Variants in LPAR1 observed in about 807,000 individuals in gnomAD.
The protein encoded by LPAR1 is lysophosphatidic acid receptor 1.
LPAR1 carries 5 observed loss-of-function variants against 23.8 expected under a neutral mutation model. The observed-to-expected ratio is 0.21, with a 90% CI of 0.11 to 0.44. LPAR1 has a LOEUF of 0.44. Among genes scored for constraint, LPAR1 ranks in the 20% least tolerant of loss-of-function variants. The pLI is 0.99. For synonymous variants in LPAR1, 160 were observed against 164.7 expected (o/e 0.97, Z 0.22); for missense variants, 311 against 482.8 (o/e 0.64, Z 3.33).
intron 5 of LPAR1, among the ~76,000 whole-genome samples, chr9:110,892,404 G>A: frequency 6.6e-6 from 1 of 152,130 alleles, no homozygotes; most frequent in South Asian, 2.1e-4. Flanking sequence ...GGTGGCTCAT[G>A]CCTATAATCC....
At chr9:110,962,840 A>AT (rs1299596700) in intron 4 of LPAR1, among the ~76,000 whole-genome samples, 2 of 152,078 alleles carry the variant, frequency 1.3e-5, no homozygotes, top group South Asian at 2.1e-4. Context: ...GGAAAGGTTG[A>AT]TTTTTTTTAA....
chr9:110,986,800 T>G (rs1030982921), intron 2 of LPAR1, among the ~76,000 whole-genome samples: 1 of 152,096 alleles, frequency 6.6e-6, no homozygotes, highest in Non-Finnish European at 1.5e-5. Flanking sequence ...AACAGAGACA[T>G]CTTCCATTAT....
chr9:110,977,021 GAAACTATAAATAGATCTT>G (rs140966753), intron 2 of LPAR1, among the ~76,000 whole-genome samples: 17,573 of 152,152 alleles, frequency 0.12, 1,329 homozygotes, highest in Admixed American at 0.21. Flanking sequence ...ATCAGCCCTG[GAAACTATAAATAGATCTT>G]AAACGTTCAG....
chr9:110,920,472 CATT>C (rs2093549216), intron 5 of LPAR1, among the ~76,000 whole-genome samples: 1 of 152,112 alleles, frequency 6.6e-6, no homozygotes, highest in African/African-American at 2.4e-5. Flanking sequence ...TAATTAAAAT[CATT>C]ATAATACTTA....
chr9:110,962,396 G>A (rs903217806), intron 4 of LPAR1, among the ~76,000 whole-genome samples: 3 of 152,112 alleles, frequency 2.0e-5, no homozygotes, highest in Admixed American at 6.6e-5. Context: ...AGTAGGCAAA[G>A]CCCTGAGAGC....
intron 5 of LPAR1, among the ~76,000 whole-genome samples, chr9:110,917,678 T>C (rs1003962650): frequency 1.3e-5 from 2 of 152,128 alleles, no homozygotes; most frequent in Non-Finnish European, 2.9e-5. Flanking sequence ...AAATGAGAAA[T>C]GTCTCTTTGG....
intron 2 of LPAR1, among the ~76,000 whole-genome samples, chr9:111,014,060 A>G (rs2097387562): frequency 6.6e-6 from 1 of 152,018 alleles, no homozygotes; most frequent in Admixed American, 6.6e-5. Flanking sequence ...CACCAGCCCT[A>G]TCCAAGGTCA....
At chr9:110,959,942 TA>T (rs555195976) in intron 4 of LPAR1, among the ~76,000 whole-genome samples, 5 of 151,950 alleles carry the variant, frequency 3.3e-5, no homozygotes, top group African/African-American at 9.7e-5. Context: ...AACATAGGAT[TA>T]AAAAAAATTG....
intron 4 of LPAR1, among the ~76,000 whole-genome samples, chr9:110,945,165 T>C (rs943385435): frequency 6.6e-6 from 1 of 152,114 alleles, no homozygotes; most frequent in Admixed American, 6.5e-5. Context: ...TGAAAGCACC[T>C]CCAATGGCAG....
At chr9:110,929,654 A>T (rs2094263276) in intron 5 of LPAR1, among the ~76,000 whole-genome samples, 1 of 151,982 alleles carries the variant, frequency 6.6e-6, no homozygotes, top group South Asian at 2.1e-4. Flanking sequence ...TCCATGTAAT[A>T]TAGAATTGAT....
At chr9:110,998,770 A>G (rs2097071071) in intron 2 of LPAR1, among the ~76,000 whole-genome samples, 1 of 152,230 alleles carries the variant, frequency 6.6e-6, no homozygotes, top group African/African-American at 2.4e-5. Flanking sequence ...AAAGAACTGG[A>G]CAATAGGTCT....
At chr9:110,981,371 C>G (rs906005937) in intron 2 of LPAR1, among the ~76,000 whole-genome samples, 1 of 151,920 alleles carries the variant, frequency 6.6e-6, no homozygotes, top group Admixed American at 6.6e-5. Flanking sequence ...TCAGATTTCT[C>G]CTCTGTAAAA....
intron 2 of LPAR1, among the ~76,000 whole-genome samples, chr9:111,002,616 A>G (rs966964382): frequency 1.3e-5 from 2 of 152,256 alleles, no homozygotes; most frequent in African/African-American, 4.8e-5. Context: ...GGATGAACAC[A>G]GTGCAATATT....
chr9:110,965,470 C>T (rs1047872822), intron 4 of LPAR1, among the ~76,000 whole-genome samples: 3 of 152,158 alleles, frequency 2.0e-5, no homozygotes, highest in East Asian at 3.9e-4. Flanking sequence ...AGGATATGAA[C>T]GGATACTTCT....
At chr9:110,993,188 A>C (rs573989062) in intron 2 of LPAR1, among the ~76,000 whole-genome samples, 10 of 152,218 alleles carry the variant, frequency 6.6e-5, no homozygotes, top group Admixed American at 4.6e-4. Flanking sequence ...GGTTTGTTAC[A>C]TAGGTATACA....
At chr9:110,907,669 C>G (rs1372141390) in intron 5 of LPAR1, among the ~76,000 whole-genome samples, 1 of 152,122 alleles carries the variant, frequency 6.6e-6, no homozygotes, top group African/African-American at 2.4e-5. Flanking sequence ...TGGGAGACTA[C>G]AGGTTACTAT....
At chr9:110,876,578 G>GA (rs1212074755) in intron 5 of LPAR1, among the ~76,000 whole-genome samples, 2 of 152,184 alleles carry the variant, frequency 1.3e-5, no homozygotes, top group Non-Finnish European at 2.9e-5. Flanking sequence ...CTGGAAAGCA[G>GA]AAAAATCCCA....
intron 4 of LPAR1, among the ~76,000 whole-genome samples, chr9:110,944,944 C>T (rs1235062999): frequency 2.0e-5 from 3 of 152,002 alleles, no homozygotes; most frequent in Non-Finnish European, 4.4e-5. Flanking sequence ...TGGATAAGAA[C>T]GCTATATTTC....
intron 5 of LPAR1, among the ~76,000 whole-genome samples, chr9:110,932,964 A>C (rs1413772709): frequency 6.6e-6 from 1 of 152,174 alleles, no homozygotes; most frequent in Non-Finnish European, 1.5e-5. Context: ...GGAGCTCATG[A>C]CTTTCTTATA....
Sources: gnomAD v4.1 joint callset for allele counts (sites outside exome capture counted in the v4.1 genomes callset) on GRCh38, gnomAD v4.1.1 for gene constraint, MANE v1.5 for transcripts, NCBI Gene and HGNC (gene_info 2026-07-23, HGNC 2026-07-21) for gene names.